The following COL9A2 variants were observed in gnomAD, a reference collection of about 807,000 sequenced individuals.
COL9A2 encodes collagen alpha-2(IX) chain.
A neutral mutation model predicts 111.6 loss-of-function variants in COL9A2; 66 were observed. That is an observed-to-expected ratio of 0.59 (90% CI 0.48 to 0.73). The LOEUF (loss-of-function observed/expected upper bound fraction) is 0.73. Among genes scored for constraint, COL9A2 ranks in the 30% least tolerant of loss-of-function variants. COL9A2 has a pLI of 0.00. For missense variants in COL9A2, 881 were observed against 954.1 expected (o/e 0.92, Z 1.01); for synonymous variants, 353 against 364.1 (o/e 0.97, Z 0.35).
chr1:40,304,662 G>T, intron 22 of COL9A2, 132 bp downstream of exon 22: 2 of 1,387,760 alleles, frequency 1.4e-6, no homozygotes, highest in Non-Finnish European at 2.0e-6. Context: ...TTCTCCACTT[G>T]GCAGACCAGC....
chr1:40,310,637 C>G lies in COL9A2; in HGVS notation c.684+77G>C. The G allele has an allele frequency of 3.1e-6, 4 of 1,274,384 alleles. No individual in the cohort carries two copies. Among genetic ancestry groups the G allele is most frequent in the Non-Finnish European group, 4.5e-6 (4 of 893,972 alleles). 78.9% of individuals were successfully genotyped at this position (1,274,384 alleles called of 1,614,324 possible). On this transcript the variant is annotated intron_variant, in intron 13 of 31. Transcript: ENST00000372748. The surrounding 1 kb of genome is among the most constrained non-coding windows in gnomAD (Gnocchi z 4.9). ...AGGTGTCTCTTTTACAAGCTAGAGG[C>G]CTGAGCAGGGGAATGACTCCATGAA...
At position 40,317,075 on chromosome 1, in the gene COL9A2, C is replaced by T. The variant is rs947124631; in HGVS notation, c.75+48G>A. 3.3e-6 allele frequency: 5 copies of T among 1,536,050 alleles called. No individual in the cohort carries two copies. In the African/African-American group the frequency reaches 6.9e-5, roughly 21 times the overall value. ...GGCAGAGCTCCTCCATCCCGGACTC[C>T]AGACCCCGCACCCTGGACCCTGGCA... On this transcript the variant is annotated intron_variant, in intron 1 of 31. Coordinates refer to ENST00000372748, the MANE Select transcript of COL9A2 (RefSeq NM_001852.4). The surrounding 1 kb of genome is among the most constrained non-coding windows in gnomAD (Gnocchi z 4.3).
chr1:40,317,262 G>A lies in COL9A2; in HGVS notation c.-65C>T, dbSNP rs532226884. The A allele has an allele frequency of 9.2e-5, 121 of 1,315,726 alleles. No homozygotes were observed. The African/African-American group carries it at 1.1e-3, about 12-fold the overall frequency. The allele number at this position is 1,315,726 out of a possible 1,614,324, so 81.5% of individuals were successfully genotyped here. A position where few individuals can be genotyped will look rare whatever the true frequency, so the allele number is the denominator to read the frequency against. On this transcript the variant is annotated 5_prime_UTR_variant, in exon 1 of 32. Coordinates refer to ENST00000372748, the MANE Select transcript of COL9A2 (RefSeq NM_001852.4). The surrounding 1 kb of genome is among the most constrained non-coding windows in gnomAD (Gnocchi z 4.3). Reference sequence around the variant, plus strand: ...GCACGCACCGACGGCAGAGTCTCCCGGCGCTCCTCCAGCGCTGGCTGTTCG... The same window carrying A: ...GCACGCACCGACGGCAGAGTCTCCCAGCGCTCCTCCAGCGCTGGCTGTTCG...
intron 2 of COL9A2, chr1:40,315,377 G>A: frequency 2.9e-6 from 4 of 1,389,416 alleles, no homozygotes; most frequent in Non-Finnish European, 3.7e-6. Context: ...CTCCTTGTCT[G>A]TCGGCGGCTA....
At chr1:40,304,643 G>A in intron 22 of COL9A2, 114 bp from the exon 23 acceptor site, 1 of 1,426,288 alleles carries the variant, frequency 7.0e-7, no homozygotes, top group Non-Finnish European at 9.7e-7. Context: ...GTCACTGGCA[G>A]GGGGTCCTTT....
chr1:40,314,844 A>AG lies in COL9A2; in HGVS notation c.151-458dup, dbSNP rs1644190484. On this transcript the variant is annotated intron_variant, in intron 2 of 31. Coordinates refer to ENST00000372748, the MANE Select transcript of COL9A2 (RefSeq NM_001852.4). This position sits in a 1 kb window ranked among gnomAD's most constrained non-coding sequence, Gnocchi z 4.1. ...GAAGCTGAGCCAGTGGCAAGGACCA[A>AG]GGGGGACTGCAAGGGGGAAATTCAG... Among the ~76,000 whole-genome samples the AG allele has an allele frequency of 6.6e-6, 1 of 152,136 alleles. No homozygotes were observed. The highest frequency in any genetic ancestry group is 2.1e-4 in the South Asian group (1 of 4,830).
At position 40,311,445 on chromosome 1, in the gene COL9A2, C is replaced by CAAAAA; in HGVS notation, c.519+54_519+55insTTTTT. ...CCCCATCTCCGTGGCCCCGCCTCCC[C>CAAAAA]ATCTCTGTGGCCCCGCCCCCCTGTG... On this transcript the variant is annotated intron_variant, in intron 10 of 31. Coordinates refer to ENST00000372748, the MANE Select transcript of COL9A2 (RefSeq NM_001852.4). The surrounding 1 kb of genome is among the most constrained non-coding windows in gnomAD (Gnocchi z 5.1). 1 of 1,555,414 alleles carries CAAAAA rather than the reference C, an allele frequency of 6.4e-7. No individual in the cohort carries two copies. The highest frequency in any genetic ancestry group is 8.9e-7 in the Non-Finnish European group (1 of 1,128,614).
Position 40,312,594 on chromosome 1 carries a change from G to C in COL9A2, c.319C>G (p.Pro107Ala), listed in dbSNP as rs1181100589. ...IPGVKGQPGL[P>A]GPPGLPGPGF... ...CTCACCGGAAGGCCAGGAGGACCAG[G>C]AAGCCCGGGCTGGCCCTGCAGAAGC... Residue 107 changes from proline (P) to alanine (A), a missense_variant, in exon 6 of 32, where the codon CCT becomes GCT. Physicochemically the swap from Pro to Ala is conservative, Grantham distance 27 (BLOSUM62 -1). Transcript: ENST00000372748. This position sits in a 1 kb window ranked among gnomAD's most constrained non-coding sequence, Gnocchi z 6.0. The C allele has an allele frequency of 9.9e-6, 16 of 1,613,920 alleles. No homozygotes were observed. The highest frequency in any genetic ancestry group is 1.4e-5 in the Non-Finnish European group (16 of 1,180,004).
At chr1:40,313,632 G>A (rs1644167288) in intron 4 of COL9A2, among the ~76,000 whole-genome samples, 2 of 152,330 alleles carry the variant, frequency 1.3e-5, no homozygotes, top group Admixed American at 6.5e-5. Flanking sequence ...CACCTCATGA[G>A]CCAGCAGGGC....
At position 40,310,942 on chromosome 1, in the gene COL9A2, A is replaced by G; in HGVS notation, c.630+151T>C. 1.7e-6 allele frequency: 2 copies of G among 1,153,478 alleles called. No individual in the cohort carries two copies. The highest frequency in any genetic ancestry group is 2.6e-6 in the Non-Finnish European group (2 of 776,932). 71.5% of individuals were successfully genotyped at this position (1,153,478 alleles called of 1,614,324 possible). ...CAAGCAAGGAGACATGACCAGAGAC[A>G]TGCCGACCTGGAGCACAGGCCTCCA... On this transcript the variant is annotated intron_variant, in intron 12 of 31. Transcript: ENST00000372748. This position sits in a 1 kb window ranked among gnomAD's most constrained non-coding sequence, Gnocchi z 4.9.
chr1:40,303,787 G>A lies in COL9A2; in HGVS notation c.1401+20C>T, dbSNP rs1193763158. 6 of 1,551,060 alleles carry A rather than the reference G, an allele frequency of 3.9e-6. No homozygotes were observed. The highest frequency in any genetic ancestry group is 1.2e-5 in the South Asian group (1 of 84,398). On this transcript the variant is annotated intron_variant, in intron 27 of 31. Coordinates refer to ENST00000372748, the MANE Select transcript of COL9A2 (RefSeq NM_001852.4). The surrounding 1 kb of genome is among the most constrained non-coding windows in gnomAD (Gnocchi z 4.6). Reference sequence around the variant, plus strand: ...TGGCCGCCCAGGAAAGTCGGAGAACGCCGGGAGGGGAGGACTCACCTGTCC... The same window carrying A: ...TGGCCGCCCAGGAAAGTCGGAGAACACCGGGAGGGGAGGACTCACCTGTCC...
intron 2 of COL9A2, 117 bp downstream of exon 2, chr1:40,315,473 C>T: frequency 1.4e-6 from 2 of 1,465,140 alleles, no homozygotes; most frequent in Non-Finnish European, 1.8e-6. Context: ...CGCCTATTGG[C>T]GACGAGGGGC....
At position 40,304,086 on chromosome 1, in the gene COL9A2, T is replaced by C; in HGVS notation, c.1301A>G (p.Lys434Arg). 1.3e-6 allele frequency: 2 copies of C among 1,569,266 alleles called. No individual in the cohort carries two copies. The highest frequency in any genetic ancestry group is 1.9e-5 in the Admixed American group (1 of 53,214). The change falls in exon 25 of 32, where the codon AAG (lysine) becomes AGG (arginine). Residue 434 changes from lysine to arginine, a missense_variant. Coordinates refer to ENST00000372748, the MANE Select transcript of COL9A2 (RefSeq NM_001852.4). Reference protein sequence around the residue: ...GVKGDKGSPGKTGPRGKVGDP... With the variant: ...GVKGDKGSPGRTGPRGKVGDP... Reference sequence around the variant, plus strand: ...CACCACTTTGCCGCGGGGCCCGGTCTTCCCTGGGGAGCCCTGGAGAAAGCG... The same window carrying C: ...CACCACTTTGCCGCGGGGCCCGGTCCTCCCTGGGGAGCCCTGGAGAAAGCG...
At chr1:40,308,116 C>G in intron 17 of COL9A2, 76 bp downstream of exon 17, 1 of 1,435,550 alleles carries the variant, frequency 7.0e-7, no homozygotes, top group Non-Finnish European at 9.8e-7. Flanking sequence ...GCATCCCAGG[C>G]TTCTCTTCTG....
At chr1:40,308,392 C>A (rs1467862862) in intron 16 of COL9A2, 147 bp from the exon 17 acceptor site, 1 of 828,048 alleles carries the variant, frequency 1.2e-6, no homozygotes, top group Non-Finnish European at 2.0e-6. Flanking sequence ...GAGGAGAGAG[C>A]CTTGGGAGTA....
At position 40,317,040 on chromosome 1, in the gene COL9A2, G is replaced by A. The variant is rs1644230322; in HGVS notation, c.75+83C>T. 7.2e-7 allele frequency: 1 copy of A among 1,386,758 alleles called. No individual in the cohort carries two copies. Among genetic ancestry groups the A allele is most frequent in the Non-Finnish European group, 1.0e-6 (1 of 997,386 alleles). 85.9% of individuals were successfully genotyped at this position (1,386,758 alleles called of 1,614,324 possible). Reference sequence around the variant, plus strand: ...TCTCGGGCTAGGGGTGTCAGTAGGCGCGGGACACAGGCAGAGCTCCTCCAT... The same window carrying A: ...TCTCGGGCTAGGGGTGTCAGTAGGCACGGGACACAGGCAGAGCTCCTCCAT... On this transcript the variant is annotated intron_variant, in intron 1 of 31. Transcript: ENST00000372748. The surrounding 1 kb of genome is among the most constrained non-coding windows in gnomAD (Gnocchi z 4.3).
At position 40,304,453 on chromosome 1, in the gene COL9A2, C is replaced by T. The variant is rs780779211; in HGVS notation, c.1215+23G>A. On this transcript the variant is annotated intron_variant, in intron 23 of 31. Coordinates refer to ENST00000372748, the MANE Select transcript of COL9A2 (RefSeq NM_001852.4). ...AGGGGCCTGGATATGACGCCCTGCC[C>T]ACCTTAGCTGGCCTGCACTCACCTG... 5.6e-6 allele frequency: 9 copies of T among 1,613,998 alleles called. No individual in the cohort carries two copies. The Admixed American group carries it at 6.7e-5, about 12-fold the overall frequency.
Position 40,314,466 on chromosome 1 carries a change from G to C in COL9A2, c.151-79C>G. The C allele has an allele frequency of 6.6e-7, 1 of 1,524,788 alleles. No individual in the cohort carries two copies. Among genetic ancestry groups the C allele is most frequent in the Non-Finnish European group, 9.1e-7 (1 of 1,099,232 alleles). The allele number at this position is 1,524,788 out of a possible 1,614,324, so 94.5% of individuals were successfully genotyped here. A position where few individuals can be genotyped will look rare whatever the true frequency, so the allele number is the denominator to read the frequency against. ...GGGCACACACAGGCCCTGGCAGGCC[G>C]CTCCCAAAGGCTCTCCTCACTCTCC... On this transcript the variant is annotated intron_variant, in intron 2 of 31. Transcript: ENST00000372748. This position sits in a 1 kb window ranked among gnomAD's most constrained non-coding sequence, Gnocchi z 4.1.
At chr1:40,305,120 T>G (rs1021264996) in intron 21 of COL9A2, 1 of 314,530 alleles carries the variant, frequency 3.2e-6, no homozygotes, top group East Asian at 6.6e-5. Context: ...CAGGCTGGAA[T>G]GCAGTGGCGC....
Sources: allele counts gnomAD v4.1 joint callset (sites outside exome capture counted in the v4.1 genomes callset), GRCh38; gene constraint gnomAD v4.1.1; non-coding constraint Gnocchi (gnomAD v3.1); transcripts MANE v1.5; gene names NCBI Gene and HGNC (gene_info 2026-07-23, HGNC 2026-07-21).